EDIL3: variants seen among roughly 807,000 people sequenced by gnomAD.
EDIL3 encodes EGF like and discoidin domains 3.
Under a neutral mutation model 67.4 loss-of-function variants are expected in EDIL3, and 37 were observed. The ratio of observed to expected loss-of-function variants is 0.55; its 90% confidence interval spans 0.42 to 0.72. EDIL3 has a LOEUF of 0.72. Ranked by LOEUF, EDIL3 falls within the 30% of genes least tolerant of loss-of-function variation. The pLI is 0.00. For synonymous variants in EDIL3, 195 were observed against 196.3 expected, an observed-to-expected ratio of 0.99 and a Z score of 0.05; for missense variants, 527 against 586.3, an observed-to-expected ratio of 0.90 and a Z score of 1.04.
chr5:84,168,590 A>G (rs1004339091), intron 4 of EDIL3, among the ~76,000 whole-genome samples: 1 of 152,220 alleles, frequency 6.6e-6, no homozygotes, highest in African/African-American at 2.4e-5. Context: ...TATAGTAAAA[A>G]GTGAGGTAAA....
intron 1 of EDIL3, among the ~76,000 whole-genome samples, chr5:84,261,761 A>G (rs951296486): frequency 1.3e-5 from 2 of 152,084 alleles, no homozygotes; most frequent in African/African-American, 4.8e-5. Flanking sequence ...AAATAAATGA[A>G]CAAAGAAACC....
At chr5:84,328,662 A>C (rs138038702) in intron 1 of EDIL3, among the ~76,000 whole-genome samples, 4 of 152,004 alleles carry the variant, frequency 2.6e-5, no homozygotes, top group African/African-American at 4.8e-5. Flanking sequence ...AAAATGGCAA[A>C]TTTCTTCAGT....
intron 9 of EDIL3, among the ~76,000 whole-genome samples, chr5:84,031,187 C>T (rs144395850): frequency 0.014 from 2,137 of 152,238 alleles, 21 homozygotes; most frequent in Non-Finnish European, 0.023. Flanking sequence ...CAAATATAAT[C>T]ACATTCTGAG....
intron 6 of EDIL3, among the ~76,000 whole-genome samples, chr5:84,086,515 G>A (rs1474272925): frequency 6.6e-6 from 1 of 152,002 alleles, no homozygotes; most frequent in East Asian, 1.9e-4. Flanking sequence ...AGATGAACTG[G>A]GTACCTTAGT....
At chr5:84,334,037 C>T (rs1746933053) in intron 1 of EDIL3, among the ~76,000 whole-genome samples, 1 of 150,410 alleles carries the variant, frequency 6.6e-6, no homozygotes, top group Non-Finnish European at 1.5e-5. Flanking sequence ...AAGAACGATG[C>T]CCTTACACAG....
At chr5:84,220,014 GTAGA>G (rs1744309732) in intron 3 of EDIL3, among the ~76,000 whole-genome samples, 1 of 152,088 alleles carries the variant, frequency 6.6e-6, no homozygotes, top group Admixed American at 6.6e-5. Flanking sequence ...AAAAATATAG[GTAGA>G]TAGAATGAAT....
At chr5:84,301,279 G>GAAAAAAAAAAAAAAAA (rs5869220) in intron 1 of EDIL3, among the ~76,000 whole-genome samples, 1 of 122,402 alleles carries the variant, frequency 8.2e-6, no homozygotes. Context: ...AAAAAAAAAA[G>GAAAAAAAAAAAAAAAA]AAAAAAAAAA....
At chr5:84,205,972 T>C (rs1743969354) in intron 3 of EDIL3, among the ~76,000 whole-genome samples, 1 of 152,048 alleles carries the variant, frequency 6.6e-6, no homozygotes, top group Non-Finnish European at 1.5e-5. Context: ...ATGTGTTTGC[T>C]CTTGCTTTTC....
chr5:84,066,562 T>C lies in EDIL3; in HGVS notation c.696A>G (p.Gln232=), dbSNP rs756093977. Residue 232 remains glutamine (Q), a synonymous_variant, in exon 7 of 11, where the codon CAA becomes CAG. Transcript: ENST00000296591. The stretch of plus-strand genomic sequence containing the variant: ...CTGGGCTTCCAATCCTCTTGGCTCC[T>C]TGGGTAATCACACCAGTAACTCTCA... ...RKMRVTGVIT[Q]GAKRIGSPEY... The C allele has an allele frequency of 1.9e-6, 3 of 1,613,636 alleles. No individual in the cohort carries two copies. The South Asian group carries it at 3.3e-5, about 18-fold the overall frequency.
intron 9 of EDIL3, among the ~76,000 whole-genome samples, chr5:83,998,861 A>T (rs1745278420): frequency 6.6e-6 from 1 of 152,166 alleles, no homozygotes; most frequent in South Asian, 2.1e-4. Flanking sequence ...TTCAGGTGTG[A>T]CCCAGCACTG....
chr5:83,974,460 T>G lies in EDIL3; in HGVS notation c.1138-11100A>C, dbSNP rs1744845286. 2.0e-5 allele frequency among the ~76,000 whole-genome samples: 3 copies of G among 152,026 alleles called. No individual in the cohort carries two copies. The South Asian group carries it at 6.2e-4, about 32-fold the overall frequency. ...AGAGCCACTGACACAGAAAGTGGAC[T>G]GCCCCAAAGGATGACAATTAAAAAA... On this transcript the variant is annotated intron_variant, in intron 9 of 10. Coordinates refer to ENST00000296591, the MANE Select transcript of EDIL3 (RefSeq NM_005711.5).
intron 9 of EDIL3, among the ~76,000 whole-genome samples, chr5:84,015,288 A>G (rs1480236056): frequency 6.6e-6 from 1 of 152,216 alleles, no homozygotes; most frequent in East Asian, 1.9e-4. Context: ...AAATGATAAA[A>G]GTCATCTAGT....
chr5:84,348,825 T>C (rs180688336), intron 1 of EDIL3, among the ~76,000 whole-genome samples: 181 of 152,330 alleles, frequency 1.2e-3, no homozygotes, highest in African/African-American at 4.2e-3. Context: ...TCAAAACTTG[T>C]ACAAGATTCA....
intron 1 of EDIL3, among the ~76,000 whole-genome samples, chr5:84,327,930 G>A (rs1490446694): frequency 1.3e-5 from 2 of 151,874 alleles, no homozygotes; most frequent in Non-Finnish European, 2.9e-5. Context: ...GTTTTATATG[G>A]GGACAGGCCA....
chr5:84,349,091 T>G (rs1027335500), intron 1 of EDIL3, among the ~76,000 whole-genome samples: 2 of 152,162 alleles, frequency 1.3e-5, no homozygotes, highest in Non-Finnish European at 2.9e-5. Context: ...AATGTAACAT[T>G]CCTTTTAAGA....
intron 1 of EDIL3, among the ~76,000 whole-genome samples, chr5:84,312,361 G>T (rs1375416304): frequency 2.0e-5 from 3 of 146,482 alleles, no homozygotes; most frequent in Non-Finnish European, 4.5e-5. Context: ...CTCCCGGACG[G>T]GGCGGCTGGC....
At chr5:84,133,464 C>CAAAAAAAAAAAAAAA (rs5869210) in intron 5 of EDIL3, among the ~76,000 whole-genome samples, 1 of 86,538 alleles carries the variant, frequency 1.2e-5, no homozygotes, top group Non-Finnish European at 2.2e-5. Flanking sequence ...ACTAAAAATA[C>CAAAAAAAAAAAAAAA]AAAAAAAAAA....
intron 3 of EDIL3, among the ~76,000 whole-genome samples, chr5:84,208,118 A>G (rs1474186384): frequency 8.6e-5 from 13 of 151,964 alleles, no homozygotes; most frequent in Admixed American, 7.9e-4. Flanking sequence ...GCAACCTACA[A>G]AATGGGAGAA....
At chr5:84,083,665 C>CCCTGCTA (rs1291273161) in intron 6 of EDIL3, among the ~76,000 whole-genome samples, 2 of 151,958 alleles carry the variant, frequency 1.3e-5, no homozygotes, top group African/African-American at 4.8e-5. Flanking sequence ...TGCTATCCAA[C>CCCTGCTA]TCACAGGGTT....
Sources: allele counts gnomAD v4.1 joint callset (sites outside exome capture counted in the v4.1 genomes callset), GRCh38; gene constraint gnomAD v4.1.1; transcripts MANE v1.5; gene names NCBI Gene and HGNC (gene_info 2026-07-23, HGNC 2026-07-21).